PPP2R5E: variants seen among roughly 807,000 people sequenced by gnomAD.
The protein encoded by PPP2R5E is serine/threonine-protein phosphatase 2A 56 kDa regulatory subunit epsilon isoform.
In PPP2R5E, 4 loss-of-function variants were observed where a neutral mutation model predicts 65.3. The observed-to-expected ratio is 0.06, with a 90% CI of 0.03 to 0.14. PPP2R5E has a LOEUF of 0.14. Among genes scored for constraint, PPP2R5E ranks in the 10% least tolerant of loss-of-function variants. The pLI, the probability that PPP2R5E is intolerant of heterozygous loss-of-function variation, is 1.00. For missense variants in PPP2R5E, 274 were observed against 556.1 expected, an observed-to-expected ratio of 0.49 and a Z score of 5.10; for synonymous variants, 183 against 187.4, an observed-to-expected ratio of 0.98 and a Z score of 0.19.
At position 63,375,199 on chromosome 14, in the gene PPP2R5E, G is replaced by A. The variant is rs1452436269; in HGVS notation, c.*810C>T. The A allele has an allele frequency of 6.6e-6, 1 of 152,562 alleles. No homozygotes were observed. Among genetic ancestry groups the A allele is most frequent in the Non-Finnish European group, 1.5e-5 (1 of 67,988 alleles). The allele number at this position is 152,562 out of a possible 1,614,324, so 9.5% of individuals were successfully genotyped here. ...CATTTCTAAAACATCTCTGGTATGT[G>A]TGTTCAATGATATATGCAACTAATA... On this transcript the variant is annotated 3_prime_UTR_variant, in exon 14 of 14. Transcript: ENST00000337537.
intron 2 of PPP2R5E, among the ~76,000 whole-genome samples, chr14:63,472,348 CA>C (rs146900092): frequency 0.013 from 2,004 of 152,234 alleles, 43 homozygotes; most frequent in African/African-American, 0.045. Flanking sequence ...TTAAGTCTCT[CA>C]AAAGATGATT....
chr14:63,479,011 C>T (rs1302814189), intron 2 of PPP2R5E, among the ~76,000 whole-genome samples: 2 of 152,050 alleles, frequency 1.3e-5, no homozygotes, highest in Non-Finnish European at 2.9e-5. Flanking sequence ...CGCCTGTAGT[C>T]CCAGCTACTC....
chr14:63,403,580 T>C (rs1885888414), intron 5 of PPP2R5E, among the ~76,000 whole-genome samples: 1 of 149,854 alleles, frequency 6.7e-6, no homozygotes. Context: ...ACTGTGTGGA[T>C]GGCCCAGAGT....
chr14:63,449,846 A>AGCCTT (rs1888708327), intron 3 of PPP2R5E, among the ~76,000 whole-genome samples: 1 of 150,640 alleles, frequency 6.6e-6, no homozygotes, highest in South Asian at 2.1e-4. Flanking sequence ...ATGGTTCCAA[A>AGCCTT]GCCTTGCCTT....
chr14:63,474,328 T>C (rs1890286757), intron 2 of PPP2R5E, among the ~76,000 whole-genome samples: 3 of 152,104 alleles, frequency 2.0e-5, no homozygotes, highest in Admixed American at 2.0e-4. Flanking sequence ...GGAGCCGGGT[T>C]GTCTGGTTTG....
intron 11 of PPP2R5E, among the ~76,000 whole-genome samples, chr14:63,386,598 T>C (rs1884681261): frequency 1.3e-5 from 2 of 151,982 alleles, no homozygotes; most frequent in Admixed American, 1.3e-4. Context: ...ACAATCCAGA[T>C]GACTTGGGAA....
chr14:63,498,786 C>A (rs1242597818), intron 2 of PPP2R5E, among the ~76,000 whole-genome samples: 1 of 152,086 alleles, frequency 6.6e-6, no homozygotes, highest in Non-Finnish European at 1.5e-5. Flanking sequence ...ACAAATCAGT[C>A]TGCAGATAGG....
chr14:63,464,513 T>C (rs1000749183), intron 2 of PPP2R5E, among the ~76,000 whole-genome samples: 1 of 151,754 alleles, frequency 6.6e-6, no homozygotes, highest in African/African-American at 2.4e-5. Context: ...AGCAAAGAAG[T>C]GAATGTGGCT....
chr14:63,540,302 G>C (rs1188895326), intron 1 of PPP2R5E, among the ~76,000 whole-genome samples: 4 of 151,080 alleles, frequency 2.6e-5, no homozygotes, highest in African/African-American at 9.7e-5. Context: ...GCAGTGGCAT[G>C]CACCTGTAAT....
Position 63,391,966 on chromosome 14 carries a change from A to G in PPP2R5E, c.903+6T>C. The G allele has an allele frequency of 1.9e-6, 3 of 1,610,420 alleles. No homozygotes were observed. Among genetic ancestry groups the G allele is most frequent in the Non-Finnish European group, 2.5e-6 (3 of 1,177,780 alleles). ...AAGTTTTTGAAATTATGGAAAAAAG[A>G]CTTACTGGTTCTGTGAGTGAAGGAT... On this transcript the variant is annotated splice_donor_region_variant and intron_variant, in intron 9 of 13. Coordinates refer to ENST00000337537, the MANE Select transcript of PPP2R5E (RefSeq NM_006246.5).
At chr14:63,409,084 T>C (rs1376163442) in intron 5 of PPP2R5E, among the ~76,000 whole-genome samples, 1 of 151,996 alleles carries the variant, frequency 6.6e-6, no homozygotes, top group African/African-American at 2.4e-5. Flanking sequence ...ATACAAAAAA[T>C]TAGCCAGCCG....
intron 2 of PPP2R5E, among the ~76,000 whole-genome samples, chr14:63,457,485 T>C (rs958933563): frequency 2.0e-5 from 3 of 152,096 alleles, no homozygotes; most frequent in African/African-American, 7.2e-5. Context: ...CCTGGAAATC[T>C]AAAAACTTCA....
intron 2 of PPP2R5E, among the ~76,000 whole-genome samples, chr14:63,478,111 TA>T (rs1343417558): frequency 1.3e-5 from 2 of 152,158 alleles, no homozygotes; most frequent in Non-Finnish European, 2.9e-5. Flanking sequence ...GCAAATTGAA[TA>T]AAGGTTTTTA....
At chr14:63,449,726 C>A (rs1888701963) in intron 3 of PPP2R5E, among the ~76,000 whole-genome samples, 1 of 126,066 alleles carries the variant, frequency 7.9e-6, no homozygotes, top group South Asian at 3.0e-4. Context: ...CTCCCCCCAC[C>A]CTATGTACCT....
At chr14:63,479,862 T>C (rs1012438768) in intron 2 of PPP2R5E, among the ~76,000 whole-genome samples, 1 of 152,186 alleles carries the variant, frequency 6.6e-6, no homozygotes, top group Non-Finnish European at 1.5e-5. Flanking sequence ...GGAAATTTCA[T>C]CTGGTTCAAC....
intron 2 of PPP2R5E, among the ~76,000 whole-genome samples, chr14:63,481,495 CAA>C (rs59764365): frequency 1.4e-4 from 13 of 93,092 alleles, no homozygotes; most frequent in African/African-American, 3.0e-4. Flanking sequence ...GACTCCATCT[CAA>C]AAAAAAAAAA....
rs986176594 is a variant in PPP2R5E, at chr14:63,475,423, T to C, written c.158-21538A>G. Among the ~76,000 whole-genome samples, 8 of 152,352 alleles carry C rather than the reference T, an allele frequency of 5.3e-5. 1 individual carries two copies. ...GGGGCAGTCTAAGTCCTGGCCTGTT[T>C]CCAACACACTTTACAAATACTTAAA... On this transcript the variant is annotated intron_variant, in intron 2 of 13. Coordinates refer to ENST00000337537, the MANE Select transcript of PPP2R5E (RefSeq NM_006246.5).
At chr14:63,522,266 A>C (rs1892947905) in intron 2 of PPP2R5E, among the ~76,000 whole-genome samples, 1 of 152,044 alleles carries the variant, frequency 6.6e-6, no homozygotes, top group African/African-American at 2.4e-5. Flanking sequence ...CCCAGGCTGG[A>C]GTGCAGTGGC....
At chr14:63,493,467 C>T (rs1481881264) in intron 2 of PPP2R5E, among the ~76,000 whole-genome samples, 1 of 131,344 alleles carries the variant, frequency 7.6e-6, no homozygotes, top group Non-Finnish European at 1.5e-5. Context: ...CAGACATTGC[C>T]AAATTACCGC....
Sources: gnomAD v4.1 joint callset for allele counts (sites outside exome capture counted in the v4.1 genomes callset) on GRCh38, gnomAD v4.1.1 for gene constraint, MANE v1.5 for transcripts, NCBI Gene and HGNC (gene_info 2026-07-23, HGNC 2026-07-21) for gene names.